Variants in DNAH7 observed in about 807,000 individuals in gnomAD.
DNAH7 encodes the protein dynein axonemal heavy chain 7, also known as axonemal beta dynein heavy chain 7.
DNAH7 carries 397 observed loss-of-function variants against 444.6 expected under a neutral mutation model. The observed-to-expected ratio is 0.89, with a 90% CI of 0.82 to 0.97. DNAH7 has a LOEUF of 0.97. Among genes scored for constraint, DNAH7 ranks in the 50% least tolerant of loss-of-function variants. The pLI is 0.00. For missense variants in DNAH7, 4,902 were observed against 4,800.8 expected, an observed-to-expected ratio of 1.02 and a Z score of -0.62; for synonymous variants, 1,636 against 1,624.4, an observed-to-expected ratio of 1.01 and a Z score of -0.17.
chr2:195,847,093 C>A (rs1699043611), intron 46 of DNAH7, among the ~76,000 whole-genome samples: 1 of 143,322 alleles, frequency 7.0e-6, no homozygotes, highest in African/African-American at 2.7e-5. Flanking sequence ...ATATATATAT[C>A]TGATTCTTCA....
intron 63 of DNAH7, among the ~76,000 whole-genome samples, chr2:195,748,856 A>C (rs1458234486): frequency 1.3e-5 from 2 of 152,232 alleles, no homozygotes; most frequent in South Asian, 2.1e-4. Context: ...TAAAGACTTA[A>C]ACGTTAGACC....
Position 195,891,640 on chromosome 2 carries a change from A to C in DNAH7, c.5046+15T>G. ...TAACCTTTTAAGATATGCATGTGAA[A>C]GTGTTAGAACTTACCACTGAAGAGG... On this transcript the variant is annotated intron_variant, in intron 31 of 64. Coordinates refer to ENST00000312428, the MANE Select transcript of DNAH7 (RefSeq NM_018897.3). 6.5e-7 allele frequency: 1 copy of C among 1,530,054 alleles called. No individual in the cohort carries two copies. Among genetic ancestry groups the C allele is most frequent in the South Asian group, 1.4e-5 (1 of 73,046 alleles). 94.8% of individuals were successfully genotyped at this position (1,530,054 alleles called of 1,614,324 possible).
intron 63 of DNAH7, among the ~76,000 whole-genome samples, chr2:195,749,424 C>T (rs1348100290): frequency 6.6e-6 from 1 of 152,020 alleles, no homozygotes; most frequent in Non-Finnish European, 1.5e-5. Context: ...GTCAGTGTGG[C>T]GATTCCTCAG....
rs1026982750 is a variant in DNAH7, at chr2:195,985,064, G to T, written c.1755-354C>A. On this transcript the variant is annotated intron_variant, in intron 14 of 64. Transcript: ENST00000312428. The stretch of plus-strand genomic sequence containing the variant: ...ATTTAGTTGAGATGGCACAAAGAAA[G>T]TAGTACAAAGGAAAGGAATGATTAA... Among the ~76,000 whole-genome samples the T allele has an allele frequency of 2.0e-5, 3 of 152,258 alleles. No homozygotes were observed. In the South Asian group the frequency reaches 6.2e-4, roughly 32 times the overall value.
chr2:195,796,761 G>A (rs1696160917), intron 55 of DNAH7, 24 bp from the exon 56 acceptor site: 2 of 1,577,618 alleles, frequency 1.3e-6, no homozygotes, highest in East Asian at 4.5e-5. Flanking sequence ...TAGTAGAGAT[G>A]TTATTTAAAA....
At chr2:195,963,046 G>A (rs548689226) in intron 17 of DNAH7, among the ~76,000 whole-genome samples, 30 of 152,234 alleles carry the variant, frequency 2.0e-4, no homozygotes, top group African/African-American at 7.0e-4. Context: ...CCAAATCTTG[G>A]CTATTGTGAA....
chr2:195,919,518 T>C (rs1479946942), intron 24 of DNAH7, among the ~76,000 whole-genome samples: 1 of 151,982 alleles, frequency 6.6e-6, no homozygotes, highest in Non-Finnish European at 1.5e-5. Flanking sequence ...CTAATTTTTA[T>C]ATTTTTAGTA....
At chr2:195,837,956 A>C (rs1337769621) in intron 47 of DNAH7, among the ~76,000 whole-genome samples, 2 of 152,152 alleles carry the variant, frequency 1.3e-5, no homozygotes, top group Admixed American at 6.5e-5. Flanking sequence ...AAGTATAAAA[A>C]AGGTGCCCCT....
At chr2:196,005,466 T>C (rs1313872110) in intron 10 of DNAH7, among the ~76,000 whole-genome samples, 1 of 151,896 alleles carries the variant, frequency 6.6e-6, no homozygotes, top group Admixed American at 6.6e-5. Flanking sequence ...GAACTTATAG[T>C]TAAACTGACC....
intron 46 of DNAH7, among the ~76,000 whole-genome samples, chr2:195,853,001 G>C (rs996157023): frequency 6.6e-6 from 1 of 151,754 alleles, no homozygotes; most frequent in African/African-American, 2.4e-5. Context: ...GATGTTATCA[G>C]TAGAGGCTAC....
intron 15 of DNAH7, among the ~76,000 whole-genome samples, chr2:195,979,861 A>C (rs1692447465): frequency 6.6e-6 from 1 of 152,014 alleles, no homozygotes; most frequent in African/African-American, 2.4e-5. Flanking sequence ...TGGAAAACCT[A>C]GAAGAAATGG....
At position 196,068,803 on chromosome 2, in the gene DNAH7, CA is replaced by C; in HGVS notation, c.-93del. On this transcript the variant is annotated 5_prime_UTR_variant, in exon 1 of 65. Coordinates refer to ENST00000312428, the MANE Select transcript of DNAH7 (RefSeq NM_018897.3). ...GATAGAGGCAGGGCCCCGGGACTTG[CA>C]GCGGTCTCAGCTCCCTCCGCACCAG... 1 of 1,483,486 alleles carries C rather than the reference CA, an allele frequency of 6.7e-7. No individual in the cohort carries two copies. Among genetic ancestry groups the C allele is most frequent in the Non-Finnish European group, 9.1e-7 (1 of 1,094,870 alleles). The allele number at this position is 1,483,486 out of a possible 1,614,324, so 91.9% of individuals were successfully genotyped here. A position where few individuals can be genotyped will look rare whatever the true frequency, so the allele number is the denominator to read the frequency against.
chr2:195,742,357 C>T (rs1693095051), intron 63 of DNAH7, among the ~76,000 whole-genome samples: 1 of 152,192 alleles, frequency 6.6e-6, no homozygotes, highest in Non-Finnish European at 1.5e-5. Flanking sequence ...GCCTCACTGA[C>T]TCGAAAACAT....
intron 4 of DNAH7, 87 bp from the exon 5 acceptor site, chr2:196,047,586 C>T (rs996407577): frequency 1.9e-5 from 22 of 1,163,912 alleles, no homozygotes; most frequent in Non-Finnish European, 2.3e-5. Context: ...GATGCTAAAT[C>T]ACCTTTTAAT....
chr2:195,870,684 G>A (rs1700626215), intron 40 of DNAH7, among the ~76,000 whole-genome samples: 3 of 152,162 alleles, frequency 2.0e-5, no homozygotes, highest in Admixed American at 2.0e-4. Context: ...TTATAAAAGA[G>A]GCCAGAGAGC....
Position 195,737,878 on chromosome 2 carries a change from G to T in DNAH7, c.*43C>A. The T allele has an allele frequency of 6.3e-7, 1 of 1,583,528 alleles. No homozygotes were observed. Among genetic ancestry groups the T allele is most frequent in the Non-Finnish European group, 8.7e-7 (1 of 1,156,022 alleles). On this transcript the variant is annotated 3_prime_UTR_variant, in exon 65 of 65. Transcript: ENST00000312428. ...TAGTAAAATATGCTTTCTCTACTCA[G>T]CCAGCCAACAAGAAATAGGAACAAG...
chr2:195,815,396 A>G (rs1227956356), intron 51 of DNAH7, among the ~76,000 whole-genome samples: 1 of 152,222 alleles, frequency 6.6e-6, no homozygotes, highest in Admixed American at 6.5e-5. Context: ...CACCTTTATT[A>G]GTCTCATATT....
chr2:195,961,191 G>T (rs1691075435), intron 17 of DNAH7, among the ~76,000 whole-genome samples: 1 of 151,924 alleles, frequency 6.6e-6, no homozygotes, highest in African/African-American at 2.4e-5. Flanking sequence ...ATTATGGAAT[G>T]GGTAAATAAA....
chr2:195,745,808 G>T (rs937414752), intron 63 of DNAH7, among the ~76,000 whole-genome samples: 7 of 152,282 alleles, frequency 4.6e-5, no homozygotes, highest in East Asian at 3.9e-4. Context: ...GCTGAGAGAT[G>T]TTGTCACCAC....
Sources: gnomAD v4.1 joint callset for allele counts (sites outside exome capture counted in the v4.1 genomes callset) on GRCh38, gnomAD v4.1.1 for gene constraint, MANE v1.5 for transcripts, NCBI Gene and HGNC (gene_info 2026-07-23, HGNC 2026-07-21) for gene names.